Variants in GRIA3 observed in about 807,000 individuals in gnomAD.
The protein encoded by GRIA3 is glutamate ionotropic receptor AMPA type subunit 3.
In GRIA3, 3 loss-of-function variants were observed where a neutral mutation model predicts 63.0. The observed-to-expected ratio is 0.05, with a 90% confidence interval of 0.02 to 0.12. GRIA3 has a LOEUF of 0.12. Ranked by LOEUF, GRIA3 falls within the 10% of genes least tolerant of loss-of-function variation. The pLI is 1.00. For synonymous variants in GRIA3, 274 were observed against 257.9 expected, an observed-to-expected ratio of 1.06 and a Z score of -0.60; for missense variants, 347 against 700.9, an observed-to-expected ratio of 0.50 and a Z score of 5.70.
chrX:123,205,658 C>A (rs930746938), intron 2 of GRIA3, among the ~76,000 whole-genome samples: 1 of 111,664 alleles, frequency 9.0e-6, no homozygotes, highest in Non-Finnish European at 1.9e-5. Flanking sequence ...GGCAAATAGA[C>A]CTAAGAGGCC....
chrX:123,479,174 T>C (rs1054911815), intron 13 of GRIA3, among the ~76,000 whole-genome samples: 1 of 112,686 alleles, frequency 8.9e-6, no homozygotes, highest in Non-Finnish European at 1.9e-5. Context: ...ACAATTAAAC[T>C]ATTTCTCTAC....
intron 3 of GRIA3, among the ~76,000 whole-genome samples, chrX:123,264,404 G>A (rs1181549538): frequency 9.0e-6 from 1 of 111,593 alleles, no homozygotes; most frequent in Non-Finnish European, 1.9e-5. Flanking sequence ...CTGTACAGAG[G>A]TGGCTGGGCA....
At chrX:123,421,057 T>C (rs1384660984) in intron 11 of GRIA3, among the ~76,000 whole-genome samples, 1 of 111,235 alleles carries the variant, frequency 9.0e-6, no homozygotes, top group Non-Finnish European at 1.9e-5. Context: ...GTCATTTTTT[T>C]TTTAATTCTG....
intron 3 of GRIA3, among the ~76,000 whole-genome samples, chrX:123,280,574 T>C (rs2044580324): frequency 8.9e-6 from 1 of 112,300 alleles, no homozygotes; most frequent in Non-Finnish European, 1.9e-5. Flanking sequence ...TGGTCTACTT[T>C]TGGCATATTT....
At chrX:123,453,618 A>AACAC (rs780732296) in intron 12 of GRIA3, among the ~76,000 whole-genome samples, 3,994 of 103,338 alleles carry the variant, frequency 0.039, 156 homozygotes, top group African/African-American at 0.12. Context: ...TCAGGTTTTC[A>AACAC]ACACACACAC....
At position 123,268,520 on chromosome X, in the gene GRIA3, G is replaced by A. The variant is rs182800181; in HGVS notation, c.508+14978G>A. On this transcript the variant is annotated intron_variant, in intron 3 of 15. Transcript: ENST00000620443. ...AATATAAATATGTCATGGTTCATCA[G>A]TAAGGTAGAAACCTTAAAAACCTTT... Among the ~76,000 whole-genome samples the A allele has an allele frequency of 2.7e-5, 3 of 110,054 alleles. No homozygotes were observed. The East Asian group carries it at 8.4e-4, about 31-fold the overall frequency.
chrX:123,383,443 A>T, intron 5 of GRIA3, among the ~76,000 whole-genome samples: 1 of 110,513 alleles, frequency 9.0e-6, no homozygotes, highest in Non-Finnish European at 1.9e-5. Context: ...CCCCTCTCTC[A>T]CCCTTCCCAG....
At chrX:123,222,943 T>C (rs985420755) in intron 2 of GRIA3, among the ~76,000 whole-genome samples, 1 of 112,317 alleles carries the variant, frequency 8.9e-6, no homozygotes, top group African/African-American at 3.2e-5. Context: ...CTTAAAACTT[T>C]GTGTACTCTT....
chrX:123,284,174 A>C (rs1299091087), intron 3 of GRIA3, among the ~76,000 whole-genome samples: 1 of 112,551 alleles, frequency 8.9e-6, no homozygotes, highest in Admixed American at 9.3e-5. Context: ...GTTAGAAGGA[A>C]AACTAACAAA....
In GRIA3 at chrX:123,486,846, A is replaced by G. The variant is rs771559719; in HGVS notation, c.*3-1867A>G. Among the ~76,000 whole-genome samples the G allele has an allele frequency of 2.2e-4, 25 of 112,125 alleles. No homozygotes were observed. In the Admixed American group the frequency reaches 2.4e-3, roughly 11 times the overall value. ...ACCCTGAGATTTTACTTCTATTACT[A>G]ATTATCAGAGCCCACCTTGGGAGTT... On this transcript the variant is annotated intron_variant, in intron 15 of 15. Transcript: ENST00000620443.
intron 12 of GRIA3, among the ~76,000 whole-genome samples, chrX:123,456,578 C>T (rs1185972533): frequency 9.1e-6 from 1 of 110,447 alleles, no homozygotes; most frequent in Non-Finnish European, 1.9e-5. Context: ...CCACACCTTA[C>T]CCCTCCCTTA....
At chrX:123,488,663 A>G (rs1480311181) in intron 15 of GRIA3, 50 bp from the exon 16 acceptor site, 1 of 112,107 alleles carries the variant, frequency 8.9e-6, no homozygotes, top group Admixed American at 9.5e-5. Flanking sequence ...AAACTTCTCA[A>G]TTCCTAATAG....
At chrX:123,313,261 A>T (rs73229280) in intron 3 of GRIA3, among the ~76,000 whole-genome samples, 3,712 of 111,262 alleles carry the variant, frequency 0.033, 64 homozygotes, top group Non-Finnish European at 0.05. Flanking sequence ...TTTGAACCCC[A>T]TTTTGGGTGT....
Position 123,411,196 on chromosome X carries a change from C to T in GRIA3, c.1501-6206C>T, listed in dbSNP as rs186252081. ...TTCCAAAGGAAATGTCTGCCAAAGG[C>T]AACTAGAGCCCTGTGGTTGATACAG... On this transcript the variant is annotated intron_variant, in intron 10 of 15. Coordinates refer to ENST00000620443, the MANE Select transcript of GRIA3 (RefSeq NM_007325.5). 2.7e-5 allele frequency among the ~76,000 whole-genome samples: 3 copies of T among 112,038 alleles called. No individual in the cohort carries two copies. In the Admixed American group the frequency reaches 2.8e-4, roughly 11 times the overall value.
chrX:123,324,058 G>C (rs1008800318), intron 3 of GRIA3, among the ~76,000 whole-genome samples: 2 of 111,525 alleles, frequency 1.8e-5, no homozygotes, highest in Non-Finnish European at 3.8e-5. Context: ...TAAAAGTAAC[G>C]GTGGAAGGAC....
At chrX:123,271,933 G>T (rs1008333565) in intron 3 of GRIA3, among the ~76,000 whole-genome samples, 10 of 111,626 alleles carry the variant, frequency 9.0e-5, no homozygotes, top group African/African-American at 2.9e-4. Flanking sequence ...TACTTTTAAA[G>T]ATGCTTTAGG....
chrX:123,357,298 T>C (rs557510683), intron 5 of GRIA3, among the ~76,000 whole-genome samples: 1 of 110,447 alleles, frequency 9.1e-6, no homozygotes, highest in African/African-American at 3.3e-5. Context: ...ACAGATTTTG[T>C]CTTAAAGAGC....
chrX:123,297,313 G>T (rs760110263), intron 3 of GRIA3, among the ~76,000 whole-genome samples: 1 of 111,658 alleles, frequency 9.0e-6, no homozygotes, highest in East Asian at 2.8e-4. Flanking sequence ...AACCCCTATG[G>T]GTTTATTAGG....
intron 9 of GRIA3, among the ~76,000 whole-genome samples, chrX:123,404,365 GAA>G (rs2147384524): frequency 9.0e-6 from 1 of 110,633 alleles, no homozygotes; most frequent in South Asian, 3.9e-4. Context: ...TAAATCTTGA[GAA>G]ATGAAAGGCA....
Sources: gnomAD v4.1 joint callset for allele counts (sites outside exome capture counted in the v4.1 genomes callset) on GRCh38, gnomAD v4.1.1 for gene constraint, MANE v1.5 for transcripts, NCBI Gene and HGNC (gene_info 2026-07-23, HGNC 2026-07-21) for gene names.